SHISA6: variants seen among roughly 807,000 people sequenced by gnomAD.
SHISA6 encodes shisa family member 6.
A neutral mutation model predicts 47.9 loss-of-function variants in SHISA6; 22 were observed. The ratio of observed to expected loss-of-function variants is 0.46; its 90% CI spans 0.33 to 0.66. The LOEUF (loss-of-function observed/expected upper bound fraction) is 0.66, where lower values mean the gene tolerates loss of function less well. Ranked by LOEUF, SHISA6 falls within the 30% of genes least tolerant of loss-of-function variation. The probability of loss-of-function intolerance (pLI) is 0.02; values close to 1 mark genes in which losing one functional copy is unlikely to be tolerated. For synonymous variants in SHISA6, 388 were observed against 337.8 expected (o/e 1.15, Z -1.63); for missense variants, 680 against 764.6 (o/e 0.89, Z 1.30).
chr17:11,320,669 A>AGAGAG lies in SHISA6; in HGVS notation c.799+57143_799+57144insGAGAG, dbSNP rs1555528248. On this transcript the variant is annotated intron_variant, in intron 2 of 5. Transcript: ENST00000441885. ...GCGAAACTCCATCACCAAAAAAAAAAAGAGAGAGAGAGAGAGAGAGAAGAA... is the reference window on the plus strand; with the variant it reads ...GCGAAACTCCATCACCAAAAAAAAAAGAGAGAGAGAGAGAGAGAGAGAGAGAAGAA... Among the ~76,000 whole-genome samples, 48 of 49,002 alleles carry AGAGAG rather than the reference A, an allele frequency of 9.8e-4. 1 individual carries two copies. In the East Asian group the frequency reaches 0.01, roughly 10 times the overall value. 32.1% of individuals were successfully genotyped at this position (49,002 alleles called of 152,430 possible).
At chr17:11,267,547 A>G (rs1475972964) in intron 2 of SHISA6, among the ~76,000 whole-genome samples, 2 of 152,256 alleles carry the variant, frequency 1.3e-5, no homozygotes, top group Non-Finnish European at 1.5e-5. Flanking sequence ...TGGCATTGAT[A>G]TTAAAAAAGA....
chr17:11,265,558 T>C (rs1597429702), intron 2 of SHISA6, among the ~76,000 whole-genome samples: 1 of 152,184 alleles, frequency 6.6e-6, no homozygotes, highest in African/African-American at 2.4e-5. Context: ...CATTGATCAC[T>C]GTTGAACCCA....
chr17:11,447,643 T>TATA (rs1915271027), intron 3 of SHISA6, among the ~76,000 whole-genome samples: 1 of 152,238 alleles, frequency 6.6e-6, no homozygotes, highest in African/African-American at 2.4e-5. Context: ...TTTCTCCACG[T>TATA]ATAATACCTT....
intron 3 of SHISA6, among the ~76,000 whole-genome samples, chr17:11,456,713 C>G (rs1044016494): frequency 2.0e-5 from 3 of 152,190 alleles, no homozygotes; most frequent in African/African-American, 7.2e-5. Context: ...GACCGCCCCC[C>G]TCTGCACACG....
chr17:11,340,171 A>G (rs1222079675), intron 2 of SHISA6, among the ~76,000 whole-genome samples: 1 of 152,242 alleles, frequency 6.6e-6, no homozygotes, highest in Non-Finnish European at 1.5e-5. Flanking sequence ...TGAACTGAAT[A>G]TGGGTGCTCT....
chr17:11,328,849 A>T (rs1354695744), intron 2 of SHISA6, among the ~76,000 whole-genome samples: 6 of 152,158 alleles, frequency 3.9e-5, no homozygotes, highest in Non-Finnish European at 5.9e-5. Context: ...ATCTCTAAGG[A>T]GGTGAGGTTT....
intron 3 of SHISA6, among the ~76,000 whole-genome samples, chr17:11,403,792 A>T (rs1261497390): frequency 6.6e-6 from 1 of 152,236 alleles, no homozygotes; most frequent in Admixed American, 6.5e-5. Context: ...CATTTTCCAA[A>T]TATGTTCTCA....
At chr17:11,466,133 C>T (rs994077011) in intron 3 of SHISA6, among the ~76,000 whole-genome samples, 1 of 152,190 alleles carries the variant, frequency 6.6e-6, no homozygotes, top group Non-Finnish European at 1.5e-5. Flanking sequence ...AAATGACACA[C>T]ACACCGTCCT....
chr17:11,352,572 CAGGGTAATGGTTGGGGG>C (rs1911924864), intron 2 of SHISA6, among the ~76,000 whole-genome samples: 1 of 152,168 alleles, frequency 6.6e-6, no homozygotes, highest in Admixed American at 6.5e-5. Context: ...ATCATACCCA[CAGGGTAATGGTTGGGGG>C]AGCAGCACTG....
chr17:11,519,825 C>T (rs1322568901), intron 3 of SHISA6, among the ~76,000 whole-genome samples: 1 of 151,966 alleles, frequency 6.6e-6, no homozygotes, highest in African/African-American at 2.4e-5. Flanking sequence ...CAGTAAATAC[C>T]TTCTTTCTTT....
rs3038693 is a variant in SHISA6 at position 11,481,336 on chromosome 17, ATG to A, written c.896-70530_896-70529del. ...CGAGACACCCTCTCAAAAAATATAT[ATG>A]TGTGTGTGTGTGTGTGTGTGTGTGT... On this transcript the variant is annotated intron_variant, in intron 3 of 5. Coordinates refer to ENST00000441885, the MANE Select transcript of SHISA6 (RefSeq NM_207386.4). Among the ~76,000 whole-genome samples the A allele has an allele frequency of 7.3e-3, 1,038 of 141,414 alleles. 12 individuals are homozygous for A. Among genetic ancestry groups the A allele is most frequent in the African/African-American group, 0.016 (613 of 37,230 alleles). 92.8% of individuals were successfully genotyped at this position (141,414 alleles called of 152,430 possible).
intron 2 of SHISA6, among the ~76,000 whole-genome samples, chr17:11,319,072 ATGTT>A (rs780666778): frequency 8.4e-4 from 80 of 95,392 alleles, no homozygotes; most frequent in African/African-American, 2.8e-3. Flanking sequence ...ATTTCTTCTT[ATGTT>A]TTTTTTTTTT....
chr17:11,495,383 T>G (rs931634448), intron 3 of SHISA6, among the ~76,000 whole-genome samples: 1 of 152,060 alleles, frequency 6.6e-6, no homozygotes, highest in Admixed American at 6.6e-5. Context: ...GGGGGCCAGA[T>G]GAAAACAAGT....
chr17:11,256,429 G>A (rs145285229), intron 1 of SHISA6, among the ~76,000 whole-genome samples: 3,244 of 152,290 alleles, frequency 0.021, 48 homozygotes, highest in Middle Eastern at 0.037. Flanking sequence ...CAAGGAGGCG[G>A]AGGTTGCAGT....
chr17:11,465,170 G>A (rs555752901), intron 3 of SHISA6, among the ~76,000 whole-genome samples: 4 of 152,090 alleles, frequency 2.6e-5, no homozygotes, highest in Admixed American at 6.6e-5. Context: ...CATTCTCAAC[G>A]TGCAGTGTCC....
chr17:11,376,190 C>T (rs1912792307), intron 2 of SHISA6, among the ~76,000 whole-genome samples: 1 of 152,168 alleles, frequency 6.6e-6, no homozygotes, highest in Non-Finnish European at 1.5e-5. Flanking sequence ...GCTAACAAAT[C>T]CTATGATACC....
At chr17:11,245,174 C>T (rs1457484937) in intron 1 of SHISA6, among the ~76,000 whole-genome samples, 6 of 152,140 alleles carry the variant, frequency 3.9e-5, no homozygotes, top group Non-Finnish European at 7.4e-5. Flanking sequence ...GTACCAAGTC[C>T]GACTCAGCTA....
intron 3 of SHISA6, among the ~76,000 whole-genome samples, chr17:11,516,774 A>C (rs73286863): frequency 0.021 from 3,249 of 152,326 alleles, 113 homozygotes; most frequent in African/African-American, 0.073. Context: ...GGGGACAACT[A>C]GGACTGTTCC....
chr17:11,375,565 C>T (rs766383216), intron 2 of SHISA6, among the ~76,000 whole-genome samples: 13 of 152,118 alleles, frequency 8.5e-5, no homozygotes, highest in Non-Finnish European at 1.5e-4. Context: ...CCCTCCTTTC[C>T]TTACAGCAAA....
Sources: gnomAD v4.1 joint callset for allele counts (sites outside exome capture counted in the v4.1 genomes callset) on GRCh38, gnomAD v4.1.1 for gene constraint, MANE v1.5 for transcripts, NCBI Gene and HGNC (gene_info 2026-07-23, HGNC 2026-07-21) for gene names.